The following GSG1L variants were observed in gnomAD, a reference collection of about 807,000 sequenced individuals.
GSG1L encodes the protein germ cell-specific gene 1-like protein.
Under a neutral mutation model 42.1 loss-of-function variants are expected in GSG1L, and 24 were observed. The observed-to-expected ratio is 0.57, with a 90% CI of 0.41 to 0.80. GSG1L has a LOEUF of 0.80. Among genes scored for constraint, GSG1L ranks in the 30% least tolerant of loss-of-function variants. The pLI is 0.00. For missense variants in GSG1L, 445 were observed against 472.2 expected (o/e 0.94, Z 0.53); for synonymous variants, 215 against 203.5 (o/e 1.06, Z -0.48).
At chr16:27,955,313 A>G (rs190410957) in intron 2 of GSG1L, among the ~76,000 whole-genome samples, 165 of 152,288 alleles carry the variant, frequency 1.1e-3, no homozygotes, top group Non-Finnish European at 2.0e-3. Flanking sequence ...AATTAAAAGT[A>G]TGACTGTAGA....
intron 1 of GSG1L, among the ~76,000 whole-genome samples, chr16:27,981,409 A>T (rs1390058733): frequency 6.6e-6 from 1 of 152,156 alleles, no homozygotes; most frequent in African/African-American, 2.4e-5. Flanking sequence ...TGCTGGCCAG[A>T]TTCAAGGAAT....
intron 2 of GSG1L, among the ~76,000 whole-genome samples, chr16:27,897,405 C>T (rs564057154): frequency 1.3e-5 from 2 of 152,286 alleles, no homozygotes; most frequent in Admixed American, 6.5e-5. Flanking sequence ...CTCAAGTGAT[C>T]TTCCCACCTC....
chr16:28,023,843 G>A (rs920117994), intron 1 of GSG1L, among the ~76,000 whole-genome samples: 4 of 151,672 alleles, frequency 2.6e-5, no homozygotes, highest in African/African-American at 9.7e-5. Flanking sequence ...TGGGCAACAT[G>A]GCAAGACCCC....
intron 2 of GSG1L, among the ~76,000 whole-genome samples, chr16:27,918,769 T>C (rs916269493): frequency 7.2e-5 from 11 of 152,044 alleles, no homozygotes; most frequent in Non-Finnish European, 1.3e-4. Context: ...CTTTGTAAAA[T>C]GGGAAGCCCT....
intron 1 of GSG1L, among the ~76,000 whole-genome samples, chr16:28,002,927 C>T (rs1019904631): frequency 6.6e-6 from 1 of 151,328 alleles, no homozygotes; most frequent in African/African-American, 2.5e-5. Flanking sequence ...CAGAGCGAGA[C>T]TCCGTCTCAG....
At chr16:27,909,134 T>C (rs566462529) in intron 2 of GSG1L, among the ~76,000 whole-genome samples, 12 of 152,100 alleles carry the variant, frequency 7.9e-5, no homozygotes, top group African/African-American at 2.7e-4. Context: ...GGGAGGGGCT[T>C]CATGTAGTGT....
intron 1 of GSG1L, among the ~76,000 whole-genome samples, chr16:28,027,142 G>C (rs1197667639): frequency 1.3e-5 from 2 of 152,148 alleles, no homozygotes; most frequent in African/African-American, 4.8e-5. Flanking sequence ...ATCTATCACA[G>C]TATGTCATTT....
At chr16:28,038,482 C>T (rs2086066281) in intron 1 of GSG1L, among the ~76,000 whole-genome samples, 1 of 152,148 alleles carries the variant, frequency 6.6e-6, no homozygotes, top group Admixed American at 6.5e-5. Context: ...AATCCTCCCT[C>T]CTTTCCAGGT....
intron 1 of GSG1L, among the ~76,000 whole-genome samples, chr16:27,994,090 T>G (rs996669946): frequency 1.3e-5 from 2 of 152,166 alleles, no homozygotes; most frequent in African/African-American, 2.4e-5. Context: ...ATCCTTTGTG[T>G]CCATGCTCCT....
At chr16:27,895,639 G>A (rs1449515649) in intron 2 of GSG1L, among the ~76,000 whole-genome samples, 1 of 152,132 alleles carries the variant, frequency 6.6e-6, no homozygotes, top group African/African-American at 2.4e-5. Context: ...CTAAGCCAAG[G>A]GCATGGATCT....
At chr16:27,952,708 T>C (rs772122247) in intron 2 of GSG1L, among the ~76,000 whole-genome samples, 18 of 152,230 alleles carry the variant, frequency 1.2e-4, no homozygotes, top group Admixed American at 5.2e-4. Flanking sequence ...GGGCCTGATG[T>C]AACTGGATTT....
At chr16:27,862,781 C>T (rs1201582191) in intron 3 of GSG1L, among the ~76,000 whole-genome samples, 4 of 152,190 alleles carry the variant, frequency 2.6e-5, no homozygotes, top group Admixed American at 2.6e-4. Flanking sequence ...TTTACCAACA[C>T]CTACGCTCCC....
chr16:28,063,532 G>A lies in GSG1L; in HGVS notation c.-108C>T, dbSNP rs2086371240. ...CGCTGCCCGCCGCGCCCCGGGGCTC[G>A]GGTGCCTGAGATCGGCGGCGGCGGA... is the stretch of plus-strand genomic sequence containing the variant. On this transcript the variant is annotated 5_prime_UTR_variant, in exon 1 of 7. Coordinates refer to ENST00000447459, the MANE Select transcript of GSG1L (RefSeq NM_001109763.2). This position sits in a 1 kb window ranked among gnomAD's most constrained non-coding sequence, Gnocchi z 5.8. The A allele has an allele frequency of 4.8e-6, 3 of 628,058 alleles. No individual in the cohort carries two copies. The highest frequency in any genetic ancestry group is 6.2e-6 in the Non-Finnish European group (3 of 484,896). 38.9% of individuals were successfully genotyped at this position (628,058 alleles called of 1,614,324 possible).
chr16:27,862,239 TA>T (rs1307072185), intron 3 of GSG1L, among the ~76,000 whole-genome samples: 15 of 152,140 alleles, frequency 9.9e-5, no homozygotes, highest in Admixed American at 2.0e-4. Context: ...CTTAATGAAG[TA>T]AGTAGCCATA....
intron 5 of GSG1L, among the ~76,000 whole-genome samples, chr16:27,827,462 A>G (rs112898775): frequency 0.017 from 2,534 of 152,234 alleles, 69 homozygotes; most frequent in African/African-American, 0.057. Flanking sequence ...GACAGCCCAG[A>G]AGAGACTGGA....
At chr16:27,962,854 C>T (rs1372303482) in intron 2 of GSG1L, among the ~76,000 whole-genome samples, 5 of 152,188 alleles carry the variant, frequency 3.3e-5, no homozygotes, top group East Asian at 1.9e-4. Flanking sequence ...CTGAACCAAA[C>T]GTCCACACCC....
chr16:28,041,213 G>T (rs1254268081), intron 1 of GSG1L, among the ~76,000 whole-genome samples: 1 of 152,146 alleles, frequency 6.6e-6, no homozygotes, highest in South Asian at 2.1e-4. Context: ...CACTTTGGGA[G>T]GCTGAGGTAG....
intron 1 of GSG1L, among the ~76,000 whole-genome samples, chr16:27,980,256 C>T (rs182312735): frequency 6.6e-6 from 1 of 152,228 alleles, no homozygotes; most frequent in African/African-American, 2.4e-5. Flanking sequence ...GAGATGTGGG[C>T]AACGAGACAG....
intron 1 of GSG1L, among the ~76,000 whole-genome samples, chr16:27,976,680 C>G (rs1327819491): frequency 6.6e-6 from 1 of 152,194 alleles, no homozygotes; most frequent in African/African-American, 2.4e-5. Context: ...GACTTAAGAT[C>G]GGGAGGTCAC....
Sources: allele counts gnomAD v4.1 joint callset (sites outside exome capture counted in the v4.1 genomes callset), GRCh38; gene constraint gnomAD v4.1.1; non-coding constraint Gnocchi (gnomAD v3.1); transcripts MANE v1.5; gene names NCBI Gene and HGNC (gene_info 2026-07-23, HGNC 2026-07-21).